Variants in HACE1 observed in about 807,000 individuals in gnomAD.
The protein encoded by HACE1 is HECT domain and ankyrin repeat containing E3 ubiquitin protein ligase 1.
HACE1 carries 73 observed loss-of-function variants against 118.4 expected under a neutral mutation model. The ratio of observed to expected loss-of-function variants is 0.62; its 90% CI spans 0.51 to 0.75. HACE1 has a LOEUF of 0.75. Among genes scored for constraint, HACE1 ranks in the 30% least tolerant of loss-of-function variants. HACE1 has a pLI of 0.00. For missense variants in HACE1, 749 were observed against 1,102.2 expected, an observed-to-expected ratio of 0.68 and a Z score of 4.54; for synonymous variants, 368 against 374.8, an observed-to-expected ratio of 0.98 and a Z score of 0.21.
intron 22 of HACE1, among the ~76,000 whole-genome samples, chr6:104,733,951 G>A (rs184684727): frequency 3.4e-4 from 52 of 151,864 alleles, no homozygotes; most frequent in Non-Finnish European, 6.0e-4. Flanking sequence ...TCAGGAGATC[G>A]AGACCAGCCT....
At chr6:104,773,061 TAGTTAAA>T (rs1310621437) in intron 17 of HACE1, among the ~76,000 whole-genome samples, 3 of 152,156 alleles carry the variant, frequency 2.0e-5, no homozygotes, top group Non-Finnish European at 4.4e-5. Context: ...AAAATACTAC[TAGTTAAA>T]AGTTAAAACC....
chr6:104,775,191 G>C (rs1290922749), intron 17 of HACE1, among the ~76,000 whole-genome samples: 1 of 152,002 alleles, frequency 6.6e-6, no homozygotes, highest in East Asian at 1.9e-4. Context: ...AAAGAATAGA[G>C]AAATTACAAA....
chr6:104,738,598 C>T (rs1307314408), intron 22 of HACE1, among the ~76,000 whole-genome samples: 1 of 147,310 alleles, frequency 6.8e-6, no homozygotes, highest in African/African-American at 2.6e-5. Flanking sequence ...TGAAATGAAG[C>T]GAGAAGGGAA....
chr6:104,790,583 T>C (rs899734671), intron 11 of HACE1, among the ~76,000 whole-genome samples: 4 of 152,146 alleles, frequency 2.6e-5, no homozygotes, highest in African/African-American at 7.2e-5. Flanking sequence ...CAAAGCCCCA[T>C]CTCTAACAAA....
chr6:104,741,991 C>G (rs1776781557), intron 22 of HACE1, among the ~76,000 whole-genome samples: 1 of 150,990 alleles, frequency 6.6e-6, no homozygotes, highest in Admixed American at 6.6e-5. Context: ...GAACAGAGCC[C>G]TCAGAAATAA....
At chr6:104,834,975 C>G (rs1774381909) in intron 5 of HACE1, among the ~76,000 whole-genome samples, 1 of 152,200 alleles carries the variant, frequency 6.6e-6, no homozygotes, top group Non-Finnish European at 1.5e-5. Flanking sequence ...GCACATTGAA[C>G]AAAGAATACC....
Position 104,750,400 on chromosome 6 carries a change from G to T in HACE1, c.2284C>A (p.Gln762Lys). Residue 762 changes from glutamine (Q) to lysine (K), a missense_variant, in exon 20 of 24, where the codon CAG becomes AAG. By Grantham distance (53) the Gln-to-Lys change is moderately conservative. This residue lies in a region of HACE1 where 165 missense variants were observed against 229.9 expected (regional missense o/e 0.72). Transcript: ENST00000262903. ...GGTGGAATGAACATATGAAAGCCCT[G>T]TAAAAAAGCATTGATCTGAGGCTGA... ...AIQPQINAFL[Q>K]GFHMFIPPSL... The T allele has an allele frequency of 6.2e-7, 1 of 1,612,822 alleles. No homozygotes were observed. The highest frequency in any genetic ancestry group is 8.5e-7 in the Non-Finnish European group (1 of 1,178,996).
chr6:104,811,502 T>G (rs1453898009), intron 6 of HACE1, 109 bp from the exon 7 acceptor site: 1 of 630,550 alleles, frequency 1.6e-6, no homozygotes, highest in African/African-American at 1.8e-5. Flanking sequence ...CTTGAAGCTT[T>G]ACATAGGAAC....
intron 6 of HACE1, among the ~76,000 whole-genome samples, chr6:104,828,659 A>G (rs1408018464): frequency 6.6e-6 from 1 of 151,930 alleles, no homozygotes; most frequent in African/African-American, 2.4e-5. Context: ...AACAGAGTGC[A>G]CTCTTCAACT....
chr6:104,858,440 T>C, intron 1 of HACE1: 1 of 361,560 alleles, frequency 2.8e-6, no homozygotes. Flanking sequence ...GTGGCTCACA[T>C]CTGTAATCCC....
chr6:104,745,134 A>T (rs1478449875), intron 20 of HACE1, among the ~76,000 whole-genome samples: 2 of 152,198 alleles, frequency 1.3e-5, no homozygotes, highest in Non-Finnish European at 2.9e-5. Context: ...GCCTTTTAGG[A>T]ATTCAATTCT....
At chr6:104,797,172 A>C in intron 7 of HACE1, 147 bp from the exon 8 acceptor site, 1 of 584,512 alleles carries the variant, frequency 1.7e-6, no homozygotes, top group Non-Finnish European at 2.9e-6. Flanking sequence ...TAATCACAAA[A>C]ACTTTCTCAA....
intron 7 of HACE1, among the ~76,000 whole-genome samples, chr6:104,801,579 A>G (rs1434030115): frequency 6.6e-6 from 1 of 152,232 alleles, no homozygotes; most frequent in African/African-American, 2.4e-5. Flanking sequence ...CTTAAAGAAA[A>G]TAATTTTCAA....
At chr6:104,836,206 A>G (rs1159813301) in intron 5 of HACE1, among the ~76,000 whole-genome samples, 1 of 152,222 alleles carries the variant, frequency 6.6e-6, no homozygotes, top group Non-Finnish European at 1.5e-5. Context: ...CCTAGGTATC[A>G]ACCAATCCAG....
At chr6:104,808,175 G>C (rs2114954378) in intron 7 of HACE1, among the ~76,000 whole-genome samples, 2 of 151,560 alleles carry the variant, frequency 1.3e-5, no homozygotes, top group East Asian at 3.9e-4. Context: ...AACAGATTGA[G>C]GCTCTGTCTC....
At chr6:104,791,777 T>C (rs1487163407) in intron 10 of HACE1, 123 bp from the exon 11 acceptor site, 5 of 659,874 alleles carry the variant, frequency 7.6e-6, no homozygotes, top group Non-Finnish European at 1.3e-5. Context: ...GGAGTACAAT[T>C]CCTTTCCTAT....
At chr6:104,751,965 A>AAAT (rs1778100511) in intron 19 of HACE1, among the ~76,000 whole-genome samples, 1 of 151,392 alleles carries the variant, frequency 6.6e-6, no homozygotes, top group Non-Finnish European at 1.5e-5. Flanking sequence ...CAAAAAAAAA[A>AAAT]AACAGGGGAA....
In HACE1 at chr6:104,833,896, A is replaced by C. The variant is rs575113098; in HGVS notation, c.403-723T>G. Reference sequence around the variant, plus strand: ...GCTACTTGGGAGGCTGAGGCAGGGGAATCACTTGAACCCAGGAGGCGGCAG... The same window carrying C: ...GCTACTTGGGAGGCTGAGGCAGGGGCATCACTTGAACCCAGGAGGCGGCAG... On this transcript the variant is annotated intron_variant, in intron 5 of 23. Coordinates refer to ENST00000262903, the MANE Select transcript of HACE1 (RefSeq NM_020771.4). Among the ~76,000 whole-genome samples the C allele has an allele frequency of 1.2e-4, 19 of 152,222 alleles. No individual in the cohort carries two copies. The South Asian group carries it at 3.9e-3, about 32-fold the overall frequency.
At chr6:104,803,764 A>C (rs1374394501) in intron 7 of HACE1, among the ~76,000 whole-genome samples, 9 of 152,326 alleles carry the variant, frequency 5.9e-5, no homozygotes, top group East Asian at 5.8e-4. Flanking sequence ...TATCATACTG[A>C]ATGGGCAAAA....
Sources: allele counts gnomAD v4.1 joint callset (sites outside exome capture counted in the v4.1 genomes callset), GRCh38; gene constraint gnomAD v4.1.1; regional missense constraint gnomAD v4.1.1; transcripts MANE v1.5; gene names NCBI Gene and HGNC (gene_info 2026-07-23, HGNC 2026-07-21).